Variants in SMG6 observed in about 807,000 individuals in gnomAD.
SMG6 encodes telomerase-binding protein EST1A.
A neutral mutation model predicts 142.2 loss-of-function variants in SMG6; 66 were observed. The ratio of observed to expected loss-of-function variants is 0.46; its 90% CI spans 0.38 to 0.57. The LOEUF is 0.57. Among genes scored for constraint, SMG6 ranks in the 20% least tolerant of loss-of-function variants. The pLI is 0.00. For missense variants in SMG6, 1,793 were observed against 1,832.0 expected (o/e 0.98, Z 0.39); for synonymous variants, 779 against 702.4 (o/e 1.11, Z -1.72).
At chr17:2,291,326 G>A (rs775267028) in intron 6 of SMG6, among the ~76,000 whole-genome samples, 11 of 149,714 alleles carry the variant, frequency 7.3e-5, no homozygotes, top group Admixed American at 1.3e-4. Flanking sequence ...GCGAGACTCC[G>A]TCTCAGAAAA....
chr17:2,130,605 A>T (rs2070087375), intron 13 of SMG6, among the ~76,000 whole-genome samples: 1 of 152,144 alleles, frequency 6.6e-6, no homozygotes, highest in Non-Finnish European at 1.5e-5. Flanking sequence ...CAGAAGAAAA[A>T]TTTAAAGTAA....
rs761005572 is a variant in SMG6 at position 2,188,476 on chromosome 17, T to A, written c.2909A>T (p.Gln970Leu). The A allele has an allele frequency of 2.5e-6, 4 of 1,614,004 alleles. No individual in the cohort carries two copies. The highest frequency in any genetic ancestry group is 2.7e-5 in the African/African-American group (2 of 74,912). Residue 970 changes from glutamine to leucine, a missense_variant, in exon 11 of 19, where the codon CAA becomes CTA. Gln to Leu is a moderately radical substitution (Grantham distance 113). Transcript: ENST00000263073. ...CATGGCCAAGCCCAGAGCTGCGGCTTGTTCCTGGATCACAGAGCGGCACTC... is the reference window on the plus strand; with the variant it reads ...CATGGCCAAGCCCAGAGCTGCGGCTAGTTCCTGGATCACAGAGCGGCACTC... ...SEECRSVIQE[Q>L]AAALGLAMFS...
chr17:2,253,292 C>T (rs566910594), intron 8 of SMG6, among the ~76,000 whole-genome samples: 3 of 152,170 alleles, frequency 2.0e-5, no homozygotes, highest in African/African-American at 7.2e-5. Context: ...CAGGCGCCTG[C>T]CACTACGCCT....
At chr17:2,204,417 A>T (rs934357426) in intron 10 of SMG6, among the ~76,000 whole-genome samples, 1 of 152,214 alleles carries the variant, frequency 6.6e-6, no homozygotes, top group Admixed American at 6.5e-5. Context: ...ACTCATCCCA[A>T]AATGGTTCCT....
At position 2,299,293 on chromosome 17, in the gene SMG6, G is replaced by T. The variant is rs1446467825; in HGVS notation, c.1460C>A (p.Ser487Tyr). 1 of 1,614,116 alleles carries T rather than the reference G, an allele frequency of 6.2e-7. No individual in the cohort carries two copies. The highest frequency in any genetic ancestry group is 8.5e-7 in the Non-Finnish European group (1 of 1,180,034). The part of the protein sequence containing the change: ...LDTDDEVSPT[S>Y]WGDSRQAQAS... ...CTGAGCCTGGCGTGAGTCACCCCAAGATGTAGGGCTGACTTCATCATCAGT... is the reference window on the plus strand; with the variant it reads ...CTGAGCCTGGCGTGAGTCACCCCAATATGTAGGGCTGACTTCATCATCAGT... The change falls in exon 2 of 19, where the codon TCT (serine) becomes TAT (tyrosine). Residue 487 changes from serine (S) to tyrosine (Y), a missense_variant. Ser to Tyr is a moderately radical substitution (Grantham distance 144). This residue lies in a region of SMG6 where 1,597 missense variants were observed against 1,584.6 expected (regional missense o/e 1.01). Transcript: ENST00000263073. This position sits in a 1 kb window ranked among gnomAD's most constrained non-coding sequence, Gnocchi z 4.3.
At chr17:2,139,181 C>T (rs1015337994) in intron 13 of SMG6, among the ~76,000 whole-genome samples, 1 of 152,196 alleles carries the variant, frequency 6.6e-6, no homozygotes, top group Non-Finnish European at 1.5e-5. Context: ...GGAGTGACTA[C>T]AGAGGCATCT....
chr17:2,070,993 T>A (rs2068084434), intron 15 of SMG6, among the ~76,000 whole-genome samples: 1 of 152,254 alleles, frequency 6.6e-6, no homozygotes, highest in Non-Finnish European at 1.5e-5. Context: ...TCTCAGGCCA[T>A]GCGCTCTCCG....
intron 13 of SMG6, among the ~76,000 whole-genome samples, chr17:2,169,352 C>G (rs1218530194): frequency 6.6e-6 from 1 of 151,528 alleles, no homozygotes; most frequent in African/African-American, 2.4e-5. Flanking sequence ...ACATGGCAGG[C>G]TTATTTAGAG....
chr17:2,070,847 C>T (rs1045182667), intron 15 of SMG6, among the ~76,000 whole-genome samples: 13 of 152,166 alleles, frequency 8.5e-5, no homozygotes, highest in Admixed American at 1.3e-4. Context: ...GGGCTGCCAC[C>T]TAGAGGGTGA....
At chr17:2,093,578 T>G (rs1353340108) in intron 13 of SMG6, among the ~76,000 whole-genome samples, 1 of 152,072 alleles carries the variant, frequency 6.6e-6, no homozygotes, top group East Asian at 1.9e-4. Context: ...ATGGCTGAGC[T>G]GTTTGGAAGC....
At chr17:2,158,473 TA>T (rs2071074971) in intron 13 of SMG6, among the ~76,000 whole-genome samples, 1 of 152,210 alleles carries the variant, frequency 6.6e-6, no homozygotes, top group Non-Finnish European at 1.5e-5. Flanking sequence ...CTTAGGCAGC[TA>T]AAGATTCATT....
At chr17:2,181,422 T>C (rs2071802408) in intron 12 of SMG6, among the ~76,000 whole-genome samples, 1 of 152,212 alleles carries the variant, frequency 6.6e-6, no homozygotes, top group Non-Finnish European at 1.5e-5. Flanking sequence ...TAAACTCGCA[T>C]TCCAGAGATA....
At chr17:2,177,644 C>T (rs2071688162) in intron 12 of SMG6, among the ~76,000 whole-genome samples, 1 of 152,144 alleles carries the variant, frequency 6.6e-6, no homozygotes, top group Non-Finnish European at 1.5e-5. Flanking sequence ...GCAGAACAAA[C>T]CCGGAAAGAG....
chr17:2,284,260 C>T (rs2074855514), intron 6 of SMG6, among the ~76,000 whole-genome samples: 1 of 152,106 alleles, frequency 6.6e-6, no homozygotes, highest in African/African-American at 2.4e-5. Flanking sequence ...AGTAATAATA[C>T]CCAATGGAGG....
intron 13 of SMG6, among the ~76,000 whole-genome samples, chr17:2,126,044 C>T (rs889468453): frequency 1.3e-5 from 2 of 151,788 alleles, no homozygotes; most frequent in African/African-American, 2.4e-5. Context: ...AGGGCTCATG[C>T]TTCTGGATTT....
chr17:2,121,989 A>G (rs1305953574), intron 13 of SMG6, among the ~76,000 whole-genome samples: 1 of 152,132 alleles, frequency 6.6e-6, no homozygotes, highest in African/African-American at 2.4e-5. Flanking sequence ...GCCCGTCACC[A>G]CATCCAGCTC....
At chr17:2,231,557 C>T (rs139918640) in intron 10 of SMG6, among the ~76,000 whole-genome samples, 40 of 152,134 alleles carry the variant, frequency 2.6e-4, no homozygotes, top group Non-Finnish European at 5.1e-4. Flanking sequence ...CTTAGCCAGG[C>T]GTGGTGGTGG....
chr17:2,274,536 G>C (rs924372686), intron 8 of SMG6, among the ~76,000 whole-genome samples: 1 of 152,202 alleles, frequency 6.6e-6, no homozygotes, highest in Non-Finnish European at 1.5e-5. Context: ...GGTGAAGATA[G>C]AGAAAAAGGA....
intron 9 of SMG6, among the ~76,000 whole-genome samples, chr17:2,238,097 A>G (rs1186627773): frequency 6.6e-6 from 1 of 152,174 alleles, no homozygotes; most frequent in African/African-American, 2.4e-5. Context: ...CCGACTGGGA[A>G]GTGTCCTCCC....
Sources: gnomAD v4.1 joint callset for allele counts (sites outside exome capture counted in the v4.1 genomes callset) on GRCh38, gnomAD v4.1.1 for gene constraint, gnomAD v4.1.1 regional missense constraint, Gnocchi (gnomAD v3.1) non-coding constraint, MANE v1.5 for transcripts, NCBI Gene and HGNC (gene_info 2026-07-23, HGNC 2026-07-21) for gene names.